PAAF1: variants seen among roughly 807,000 people sequenced by gnomAD.
PAAF1 encodes the protein proteasomal ATPase associated factor 1, also known as proteasomal ATPase-associated factor 1.
PAAF1 carries 46 observed loss-of-function variants against 52.8 expected under a neutral mutation model. The ratio of observed to expected loss-of-function variants is 0.87; its 90% CI spans 0.69 to 1.11. The LOEUF (loss-of-function observed/expected upper bound fraction) is 1.11, where lower values mean the gene tolerates loss of function less well. PAAF1 is among the 50% of genes most tolerant of loss of function. The pLI is 0.00. For synonymous variants in PAAF1, 178 were observed against 172.8 expected (o/e 1.03, Z -0.24); for missense variants, 424 against 477.4 (o/e 0.89, Z 1.04).
chr11:73,891,293 T>G, intron 4 of PAAF1, 92 bp downstream of exon 4: 4 of 711,196 alleles, frequency 5.6e-6, no homozygotes, highest in Non-Finnish European at 9.3e-6. Flanking sequence ...TATTCATAAT[T>G]AATATGTCTT....
At chr11:73,918,343 A>T in intron 9 of PAAF1, among the ~76,000 whole-genome samples, 1 of 118,738 alleles carries the variant, frequency 8.4e-6, no homozygotes, top group Non-Finnish European at 1.7e-5. Context: ...CCATCATTTC[A>T]GTTACTTAAT....
chr11:73,901,040 A>G (rs983951241), intron 6 of PAAF1, among the ~76,000 whole-genome samples: 1 of 151,216 alleles, frequency 6.6e-6, no homozygotes, highest in African/African-American at 2.4e-5. Flanking sequence ...TGATAAAGGA[A>G]AAAAAAAATC....
At chr11:73,893,193 A>G (rs901640570) in intron 4 of PAAF1, among the ~76,000 whole-genome samples, 4 of 152,138 alleles carry the variant, frequency 2.6e-5, no homozygotes, top group African/African-American at 9.7e-5. Flanking sequence ...TACATTTGTA[A>G]AAGTGGAATT....
intron 2 of PAAF1, among the ~76,000 whole-genome samples, chr11:73,885,106 G>A (rs754291397): frequency 6.6e-6 from 1 of 150,714 alleles, no homozygotes; most frequent in Non-Finnish European, 1.5e-5. Flanking sequence ...TGATCCACCC[G>A]CCTCGGCCTC....
chr11:73,887,436 T>C lies in PAAF1; in HGVS notation c.171T>C (p.Phe57=). The C allele has an allele frequency of 6.2e-7, 1 of 1,604,132 alleles. No individual in the cohort carries two copies. The highest frequency in any genetic ancestry group is 8.5e-7 in the Non-Finnish European group (1 of 1,177,080). The change falls in exon 3 of 12, where the codon TTT becomes TTC. Residue 57 remains phenylalanine (F), a synonymous_variant. Transcript: ENST00000310571. ...CAGAGGTTACAGCTTCAGAAGGATTTACTGTGAATGAAATAAACAAGGTAT... is the reference window on the plus strand; with the variant it reads ...CAGAGGTTACAGCTTCAGAAGGATTCACTGTGAATGAAATAAACAAGGTAT... The part of the protein sequence containing the change: ...GIPEVTASEG[F]TVNEINKKSI...
intron 2 of PAAF1, among the ~76,000 whole-genome samples, chr11:73,882,716 C>T (rs937598620): frequency 6.6e-6 from 1 of 152,102 alleles, no homozygotes; most frequent in Non-Finnish European, 1.5e-5. Context: ...CATTCTTCTG[C>T]CTCAGCCTCC....
chr11:73,891,400 A>G (rs1181626977), intron 4 of PAAF1, among the ~76,000 whole-genome samples, 199 bp downstream of exon 4: 1 of 152,100 alleles, frequency 6.6e-6, no homozygotes. Flanking sequence ...GTTCAAATCT[A>G]CTCACTGGTC....
chr11:73,910,526 G>A (rs1949898961), intron 7 of PAAF1, among the ~76,000 whole-genome samples: 1 of 152,172 alleles, frequency 6.6e-6, no homozygotes, highest in South Asian at 2.1e-4. Flanking sequence ...GCTGTGGTGA[G>A]AGACTAATAA....
chr11:73,922,380 G>A (rs1439468375), intron 10 of PAAF1, among the ~76,000 whole-genome samples: 1 of 152,162 alleles, frequency 6.6e-6, no homozygotes, highest in East Asian at 1.9e-4. Context: ...CCACATTTCA[G>A]TTAATTATAA....
Position 73,899,177 on chromosome 11 carries a change from GT to G in PAAF1, c.315del (p.Gly107ValfsTer10), listed in dbSNP as rs752654262. On this transcript the variant is annotated frameshift_variant, in exon 5 of 12. Transcript: ENST00000310571. LOFTEE classifies it high-confidence loss of function. ...ITCLDISSRG[G>X]LGVSSSTDGT... ...TGCCTGGACATTTCCAGCAGAGGAG[GT>G]CTTGGTGTGTCTTCTAGTACTGACG... The G allele has an allele frequency of 1.2e-6, 2 of 1,614,060 alleles. No homozygotes were observed. Among genetic ancestry groups the G allele is most frequent in the East Asian group, 4.5e-5 (2 of 44,878 alleles).
At chr11:73,877,198 C>T in intron 1 of PAAF1, 130 bp downstream of exon 1, 1 of 974,116 alleles carries the variant, frequency 1.0e-6, no homozygotes, top group Non-Finnish European at 1.4e-6. Context: ...ATGGAGGGAA[C>T]AGGGTCCGGA....
chr11:73,919,633 C>T (rs1950156975), intron 10 of PAAF1, among the ~76,000 whole-genome samples: 1 of 152,074 alleles, frequency 6.6e-6, no homozygotes, highest in African/African-American at 2.4e-5. Flanking sequence ...CTAGGTAAAG[C>T]GAGTATCTTA....
intron 3 of PAAF1, 21 bp from the exon 4 acceptor site, chr11:73,891,091 C>T (rs1272699170): frequency 2.1e-6 from 3 of 1,441,466 alleles, no homozygotes; most frequent in Admixed American, 3.5e-5. Flanking sequence ...TGATGAATCT[C>T]ATCTTTTCCT....
intron 6 of PAAF1, among the ~76,000 whole-genome samples, chr11:73,903,956 C>T (rs1043696221): frequency 4.1e-5 from 6 of 148,000 alleles, no homozygotes; most frequent in South Asian, 2.2e-4. Flanking sequence ...TAGTGGTGTG[C>T]GCCTGTAATC....
At chr11:73,902,490 A>G (rs1301534031) in intron 6 of PAAF1, among the ~76,000 whole-genome samples, 1 of 152,200 alleles carries the variant, frequency 6.6e-6, no homozygotes, top group Non-Finnish European at 1.5e-5. Flanking sequence ...AAAACATTTC[A>G]GTGGAACAAG....
intron 6 of PAAF1, 91 bp downstream of exon 6, chr11:73,900,511 T>A (rs930034551): frequency 6.4e-6 from 9 of 1,401,572 alleles, no homozygotes; most frequent in Non-Finnish European, 7.7e-6. Context: ...TATTCACAAA[T>A]ACACAAATAA....
rs183340461 is a variant in PAAF1 at position 73,892,288 on chromosome 11, A to C, written c.282+1087A>C. Among the ~76,000 whole-genome samples the C allele has an allele frequency of 9.7e-3, 1,452 of 149,412 alleles. 21 individuals carry two copies. The highest frequency in any genetic ancestry group is 0.038 in the Middle Eastern group (11 of 288). ...CAGTGAGCCATGATCATGCCACTGCACTCCAGCCTGGGCAACAGAATGAGA... is the reference window on the plus strand; with the variant it reads ...CAGTGAGCCATGATCATGCCACTGCCCTCCAGCCTGGGCAACAGAATGAGA... On this transcript the variant is annotated intron_variant, in intron 4 of 11. Transcript: ENST00000310571.
intron 4 of PAAF1, among the ~76,000 whole-genome samples, chr11:73,894,569 CATGTATACAT>C (rs1006684934): frequency 1.3e-5 from 2 of 151,772 alleles, no homozygotes; most frequent in Non-Finnish European, 2.9e-5. Context: ...CAGCATGGCA[CATGTATACAT>C]ATGTAACTAA....
chr11:73,915,023 G>T (rs915053089), intron 8 of PAAF1, among the ~76,000 whole-genome samples: 24 of 152,018 alleles, frequency 1.6e-4, no homozygotes, highest in Non-Finnish European at 1.5e-5. Context: ...CAGTTCTTGT[G>T]CAGCACTTGC....
Sources: allele counts gnomAD v4.1 joint callset (sites outside exome capture counted in the v4.1 genomes callset), GRCh38; gene constraint gnomAD v4.1.1; transcripts MANE v1.5; gene names NCBI Gene and HGNC (gene_info 2026-07-23, HGNC 2026-07-21).